CNTNAP2: variants seen among roughly 807,000 people sequenced by gnomAD.
The protein encoded by CNTNAP2 is contactin-associated protein-like 2.
Under a neutral mutation model 155.2 loss-of-function variants are expected in CNTNAP2, and 98 were observed. The observed-to-expected ratio is 0.63, with a 90% CI of 0.54 to 0.75. The LOEUF (loss-of-function observed/expected upper bound fraction) is 0.75. CNTNAP2 is among the 30% of genes least tolerant of loss of function. CNTNAP2 has a pLI of 0.00. For synonymous variants in CNTNAP2, 651 were observed against 631.2 expected (o/e 1.03, Z -0.47); for missense variants, 1,727 against 1,688.1 (o/e 1.02, Z -0.40).
At chr7:146,846,758 G>A (rs1240862461) in intron 3 of CNTNAP2, among the ~76,000 whole-genome samples, 2 of 151,984 alleles carry the variant, frequency 1.3e-5, no homozygotes, top group African/African-American at 4.8e-5. Context: ...AGATGCTGTT[G>A]ATAATATTGA....
At chr7:146,829,678 G>C (rs1157930679) in intron 2 of CNTNAP2, among the ~76,000 whole-genome samples, 2 of 151,974 alleles carry the variant, frequency 1.3e-5, no homozygotes, top group Non-Finnish European at 2.9e-5. Flanking sequence ...TGTTATTGTT[G>C]CATCACTGGA....
rs184892107 is a variant in CNTNAP2, at chr7:146,759,944, G to A, written c.98-14327G>A. ...ATTTAATATATAAAAATAAACCTTC[G>A]GTAGTTTTGCCTGAAAGAAGGCCAG... On this transcript the variant is annotated intron_variant, in intron 1 of 23. Coordinates refer to ENST00000361727, the MANE Select transcript of CNTNAP2 (RefSeq NM_014141.6). 2.2e-3 allele frequency among the ~76,000 whole-genome samples: 336 copies of A among 152,150 alleles called. 1 individual carries two copies. Among genetic ancestry groups the A allele is most frequent in the African/African-American group, 7.6e-3 (315 of 41,532 alleles).
intron 1 of CNTNAP2, among the ~76,000 whole-genome samples, chr7:146,157,360 A>C (rs1798142643): frequency 6.6e-6 from 1 of 152,174 alleles, no homozygotes; most frequent in Non-Finnish European, 1.5e-5. Flanking sequence ...TGATTTCTGC[A>C]TTTCCAGCTG....
At chr7:148,136,017 A>AAGGAAGGAAGGGAGGGAGGGAGGGAGGG (rs1463040406) in intron 16 of CNTNAP2, among the ~76,000 whole-genome samples, 1 of 25,798 alleles carries the variant, frequency 3.9e-5, no homozygotes, top group Non-Finnish European at 7.2e-5. Flanking sequence ...GGAAGGAAGG[A>AAGGAAGGAAGGGAGGGAGGGAGGGAGGG]AGGGAGGGAG....
At chr7:146,788,763 C>T (rs1802622514) in intron 2 of CNTNAP2, among the ~76,000 whole-genome samples, 2 of 152,142 alleles carry the variant, frequency 1.3e-5, no homozygotes, top group Admixed American at 1.3e-4. Context: ...TGTCAACTTC[C>T]TTAAAAGTCA....
chr7:147,357,746 T>C (rs906789272), intron 9 of CNTNAP2, among the ~76,000 whole-genome samples: 4 of 152,072 alleles, frequency 2.6e-5, no homozygotes, highest in African/African-American at 4.8e-5. Flanking sequence ...TTTTTTGTTA[T>C]AATTTCCTCC....
intron 1 of CNTNAP2, among the ~76,000 whole-genome samples, chr7:146,452,674 A>T (rs1371297047): frequency 6.6e-6 from 1 of 152,212 alleles, no homozygotes; most frequent in Non-Finnish European, 1.5e-5. Context: ...AATAAAAGCC[A>T]TGCATGTGGT....
chr7:146,906,528 C>G (rs904833998), intron 3 of CNTNAP2, among the ~76,000 whole-genome samples: 10 of 151,948 alleles, frequency 6.6e-5, no homozygotes, highest in African/African-American at 2.4e-4. Context: ...GGAGGCACCC[C>G]CCAGCAGGGG....
intron 1 of CNTNAP2, among the ~76,000 whole-genome samples, chr7:146,339,795 C>T (rs867990769): frequency 1.3e-5 from 2 of 152,130 alleles, no homozygotes; most frequent in Admixed American, 6.5e-5. Flanking sequence ...TTACTCTTTT[C>T]GTGCAATGGT....
intron 2 of CNTNAP2, among the ~76,000 whole-genome samples, chr7:146,787,908 T>C (rs1217911660): frequency 6.6e-6 from 1 of 152,154 alleles, no homozygotes; most frequent in African/African-American, 2.4e-5. Flanking sequence ...GAGTGCTGAT[T>C]GGTGCGTTCA....
chr7:148,092,290 T>C (rs1359072794), intron 15 of CNTNAP2, among the ~76,000 whole-genome samples: 1 of 152,184 alleles, frequency 6.6e-6, no homozygotes, highest in African/African-American at 2.4e-5. Context: ...TTCTATCTAG[T>C]CTGGGGAATC....
At chr7:146,347,836 G>T (rs1445890289) in intron 1 of CNTNAP2, among the ~76,000 whole-genome samples, 1 of 152,152 alleles carries the variant, frequency 6.6e-6, no homozygotes, top group South Asian at 2.1e-4. Context: ...ATAGTGTTGG[G>T]ATTACAGGTG....
intron 18 of CNTNAP2, among the ~76,000 whole-genome samples, chr7:148,207,587 G>A (rs1585187674): frequency 6.6e-6 from 1 of 152,370 alleles, no homozygotes; most frequent in East Asian, 1.9e-4. Flanking sequence ...CTTCCCAGAA[G>A]AATGTATTTG....
intron 13 of CNTNAP2, among the ~76,000 whole-genome samples, chr7:147,814,831 G>A (rs57827891): frequency 0.014 from 2,150 of 152,070 alleles, 57 homozygotes; most frequent in African/African-American, 0.048. Context: ...ATATATAGTC[G>A]TCCTACAAAT....
chr7:146,750,631 G>A (rs1801887374), intron 1 of CNTNAP2, among the ~76,000 whole-genome samples: 1 of 152,162 alleles, frequency 6.6e-6, no homozygotes, highest in Non-Finnish European at 1.5e-5. Flanking sequence ...TTTGTCGTCA[G>A]TGCTATAATA....
Position 146,978,701 on chromosome 7 carries a change from A to G in CNTNAP2, c.403-65206A>G, listed in dbSNP as rs550086287. Reference sequence around the variant, plus strand: ...TTGTCCAAATTTAGATAATAAGATCATATATATATAATATATATATTTAAC... The same window carrying G: ...TTGTCCAAATTTAGATAATAAGATCGTATATATATAATATATATATTTAAC... On this transcript the variant is annotated intron_variant, in intron 3 of 23. Coordinates refer to ENST00000361727, the MANE Select transcript of CNTNAP2 (RefSeq NM_014141.6). Among the ~76,000 whole-genome samples the G allele has an allele frequency of 9.9e-5, 15 of 151,076 alleles. No homozygotes were observed. In the East Asian group the frequency reaches 2.7e-3, roughly 27 times the overall value.
At chr7:148,152,279 A>G (rs77011910) in intron 17 of CNTNAP2, among the ~76,000 whole-genome samples, 2,706 of 151,974 alleles carry the variant, frequency 0.018, 90 homozygotes, top group African/African-American at 0.062. Flanking sequence ...TTTAAGGACA[A>G]TTTGGTGGGC....
chr7:147,753,440 A>G (rs554142057), intron 13 of CNTNAP2, among the ~76,000 whole-genome samples: 3 of 152,344 alleles, frequency 2.0e-5, no homozygotes, highest in Admixed American at 6.5e-5. Context: ...ATTCCCCTGT[A>G]CTAAAAATTA....
At chr7:147,120,412 A>AT (rs1563083480) in intron 5 of CNTNAP2, among the ~76,000 whole-genome samples, 1 of 152,162 alleles carries the variant, frequency 6.6e-6, no homozygotes, top group African/African-American at 2.4e-5. Context: ...TGGAGCCAGC[A>AT]TCAGAACCCA....
Sources: gnomAD v4.1 joint callset for allele counts (sites outside exome capture counted in the v4.1 genomes callset) on GRCh38, gnomAD v4.1.1 for gene constraint, MANE v1.5 for transcripts, NCBI Gene and HGNC (gene_info 2026-07-23, HGNC 2026-07-21) for gene names.